Variants in FKBP11 observed in about 807,000 individuals in gnomAD.
FKBP11 encodes FKBP prolyl isomerase 11.
Under a neutral mutation model 24.7 loss-of-function variants are expected in FKBP11, and 21 were observed. The ratio of observed to expected loss-of-function variants is 0.85; its 90% confidence interval spans 0.60 to 1.23. The LOEUF (loss-of-function observed/expected upper bound fraction) is 1.23, where lower values mean the gene tolerates loss of function less well. Among genes scored for constraint, FKBP11 ranks in the 50% most tolerant of loss-of-function variants. FKBP11 has a pLI of 0.00. For synonymous variants in FKBP11, 106 were observed against 100.6 expected (o/e 1.05, Z -0.32); for missense variants, 245 against 248.7 (o/e 0.99, Z 0.10).
the FKBP11 span, among the ~76,000 whole-genome samples, chr12:48,932,976 T>C: frequency 6.6e-6 from 1 of 152,162 alleles, no homozygotes; most frequent in Non-Finnish European, 1.5e-5. Context: ...CTACACCATG[T>C]TCAGCTCAGA....
At chr12:48,923,607 G>C (rs1939885432) in intron 5 of FKBP11, 175 bp downstream of exon 5, 1 of 1,553,592 alleles carries the variant, frequency 6.4e-7, no homozygotes, top group Non-Finnish European at 8.7e-7. Flanking sequence ...TTTAGTCCCT[G>C]TTGGTGATAT....
chr12:48,934,740 G>A, the FKBP11 span, among the ~76,000 whole-genome samples: 3 of 152,142 alleles, frequency 2.0e-5, no homozygotes, highest in Non-Finnish European at 4.4e-5. Flanking sequence ...CTGGCCGGGC[G>A]TGGTGGCTCA....
At chr12:48,934,251 A>G in the FKBP11 span, among the ~76,000 whole-genome samples, 1 of 152,168 alleles carries the variant, frequency 6.6e-6, no homozygotes, top group Admixed American at 6.5e-5. Context: ...CTCTGCAATG[A>G]AGGGGAGGGT....
intron 5 of FKBP11, chr12:48,923,500 G>A: frequency 6.4e-7 from 1 of 1,550,630 alleles, no homozygotes; most frequent in Non-Finnish European, 8.7e-7. Context: ...GGGAAAGGTG[G>A]TGGCACAGGC....
At chr12:48,925,859 A>G (rs1203222411), upstream of FKBP11, 6 of 165,196 alleles carry the variant, frequency 3.6e-5, no homozygotes, top group South Asian at 1.7e-4. Flanking sequence ...TGACAGAGAC[A>G]GGATTCAAAC....
chr12:48,938,322 C>T, the FKBP11 span: 1 of 450,112 alleles, frequency 2.2e-6, no homozygotes, highest in Admixed American at 2.4e-5. Context: ...TTGACTAATG[C>T]CCTCCCACCT....
At chr12:48,922,250 A>G (rs1294664069) in intron 5 of FKBP11, 49 bp from the exon 6 acceptor site, 4 of 1,531,664 alleles carry the variant, frequency 2.6e-6, no homozygotes, top group Non-Finnish European at 2.7e-6. Flanking sequence ...CATTTTATCC[A>G]GGGCTCAGAA....
At chr12:48,931,448 AG>A, upstream of FKBP11, 1 of 1,536,066 alleles carries the variant, frequency 6.5e-7, no homozygotes, top group South Asian at 1.2e-5. Context: ...GAGGGACCAG[AG>A]AAGGAGCTTT....
chr12:48,931,575 T>C, the FKBP11 span: 2 of 1,050,908 alleles, frequency 1.9e-6, no homozygotes, highest in Non-Finnish European at 2.8e-6. Flanking sequence ...ACAGAACCAT[T>C]GCTAGAAAAG....
At chr12:48,928,296 C>T (rs1464464663), upstream of FKBP11, among the ~76,000 whole-genome samples, 6 of 151,570 alleles carry the variant, frequency 4.0e-5, no homozygotes, top group East Asian at 1.9e-4. Flanking sequence ...CTGCCCCCTT[C>T]GGCTTCTTAA....
In FKBP11 at chr12:48,925,334, T is replaced by C. The variant is rs1221397477; in HGVS notation, c.95A>G (p.Glu32Gly). ...VCRAEAGLET[E>G]SPVRTLQVET... ...CACTTGGAGGGTCCGGACGGGACTT[T>C]CGGTTTCGAGCCCAGCCTCAGCCCG... is the stretch of plus-strand genomic sequence containing the variant. Residue 32 changes from glutamate (E) to glycine (G), a missense_variant, in exon 1 of 6, where the codon GAA becomes GGA. Glu to Gly is a moderately conservative substitution (Grantham distance 98). Coordinates refer to ENST00000550765, the MANE Select transcript of FKBP11 (RefSeq NM_016594.3). 4 of 1,610,824 alleles carry C rather than the reference T, an allele frequency of 2.5e-6. No homozygotes were observed. Among genetic ancestry groups the C allele is most frequent in the Non-Finnish European group, 1.7e-6 (2 of 1,179,164 alleles).
upstream of FKBP11, chr12:48,931,349 A>C (rs534898074): frequency 2.2e-6 from 3 of 1,367,580 alleles, no homozygotes; most frequent in African/African-American, 4.3e-5. Context: ...AGAGGAGTGG[A>C]GTAGGAGAAG....
At chr12:48,935,514 G>A in the FKBP11 span, among the ~76,000 whole-genome samples, 3 of 152,114 alleles carry the variant, frequency 2.0e-5, no homozygotes, top group Non-Finnish European at 4.4e-5. Flanking sequence ...TCTTTGCCTG[G>A]AGCCAGACAC....
upstream of FKBP11, chr12:48,926,497 T>C (rs1411036238): frequency 2.7e-5 from 4 of 149,922 alleles, no homozygotes; most frequent in African/African-American, 9.8e-5. Context: ...AGTGCTAGGA[T>C]TACAGGCGTG....
chr12:48,923,326 A>G lies in FKBP11; in HGVS notation c.388+456T>C, dbSNP rs1293202769. 3 of 1,424,844 alleles carry G rather than the reference A, an allele frequency of 2.1e-6. No individual in the cohort carries two copies. In the African/African-American group the frequency reaches 4.3e-5, roughly 21 times the overall value. 88.3% of individuals were successfully genotyped at this position (1,424,844 alleles called of 1,614,324 possible). ...GATGGCTTTTAAAGTTATGGGGCAG[A>G]CTTGGCTTTAACAGTTGCTTTTTGT... On this transcript the variant is annotated intron_variant, in intron 5 of 5. Coordinates refer to ENST00000550765, the MANE Select transcript of FKBP11 (RefSeq NM_016594.3).
chr12:48,928,768 C>A (rs911237446), upstream of FKBP11, among the ~76,000 whole-genome samples: 4 of 151,506 alleles, frequency 2.6e-5, no homozygotes, highest in Admixed American at 2.0e-4. Flanking sequence ...TGTAAGCCAC[C>A]ATGCACGGCC....
chr12:48,926,521 CT>C (rs398019471), upstream of FKBP11: 8,376 of 111,086 alleles, frequency 0.075, 255 homozygotes, highest in South Asian at 0.2. Flanking sequence ...CACCAGATTT[CT>C]TTTTTTTTTT....
At chr12:48,924,496 A>G in intron 3 of FKBP11, 65 bp downstream of exon 3, 1 of 1,473,930 alleles carries the variant, frequency 6.8e-7, no homozygotes, top group Non-Finnish European at 9.5e-7. Flanking sequence ...GCAGCTTTGG[A>G]GCCGAAGAGG....
At chr12:48,931,128 T>TAAAAAAAAAAA (rs35482677), upstream of FKBP11, among the ~76,000 whole-genome samples, 8 of 36,208 alleles carry the variant, frequency 2.2e-4, 1 homozygote, top group East Asian at 2.9e-3. Context: ...GACTCCAGCT[T>TAAAAAAAAAAA]AAAAAAAAAA....
Sources: allele counts gnomAD v4.1 joint callset (sites outside exome capture counted in the v4.1 genomes callset), GRCh38; gene constraint gnomAD v4.1.1; transcripts MANE v1.5; gene names NCBI Gene and HGNC (gene_info 2026-07-23, HGNC 2026-07-21).